The following CTXND2 variants were observed in gnomAD, a reference collection of about 807,000 sequenced individuals.
CTXND2 encodes the protein cortexin domain containing 2.
intron 1 of CTXND2, among the ~76,000 whole-genome samples, chr1:150,890,747 C>T (rs587702023): frequency 6.6e-6 from 1 of 152,256 alleles, no homozygotes; most frequent in East Asian, 1.9e-4. Flanking sequence ...AGGTGATCCA[C>T]CCGCCTCGGC....
At chr1:150,899,946 CACCAATCAGCACTCTGTAAAAACGG>C (rs1668971780) in intron 1 of CTXND2, among the ~76,000 whole-genome samples, 1 of 152,108 alleles carries the variant, frequency 6.6e-6, no homozygotes, top group Non-Finnish European at 1.5e-5. Flanking sequence ...TCTGTAAACG[CACCAATCAGCACTCTGTAAAAACGG>C]ACCAATCAGC....
intron 1 of CTXND2, among the ~76,000 whole-genome samples, chr1:150,890,606 C>T (rs587622930): frequency 6.6e-6 from 1 of 152,094 alleles, no homozygotes; most frequent in Admixed American, 6.6e-5. Flanking sequence ...CGGGTTCAAG[C>T]GATTATCCTG....
intron 1 of CTXND2, among the ~76,000 whole-genome samples, chr1:150,903,091 A>G (rs1669072096): frequency 6.6e-6 from 1 of 152,138 alleles, no homozygotes; most frequent in Admixed American, 6.6e-5. Context: ...TTTGGCCTAA[A>G]TTTATAGCAC....
intron 1 of CTXND2, among the ~76,000 whole-genome samples, chr1:150,909,414 G>A (rs994338203): frequency 1.3e-5 from 2 of 151,688 alleles, no homozygotes; most frequent in African/African-American, 2.4e-5. Context: ...ACAATTAGCC[G>A]GGCATGATGA....
At chr1:150,895,849 G>A (rs184964393) in intron 1 of CTXND2, among the ~76,000 whole-genome samples, 232 of 152,294 alleles carry the variant, frequency 1.5e-3, no homozygotes, top group African/African-American at 5.4e-3. Flanking sequence ...CCATGCCAGA[G>A]GCAGCAGTAT....
At chr1:150,892,814 C>T (rs1010524486) in intron 1 of CTXND2, among the ~76,000 whole-genome samples, 15 of 152,078 alleles carry the variant, frequency 9.9e-5, no homozygotes, top group Admixed American at 3.9e-4. Context: ...GCTAGGACTA[C>T]GGGCATGAGC....
chr1:150,898,754 C>CAA (rs34434799), intron 1 of CTXND2, among the ~76,000 whole-genome samples: 3,205 of 81,118 alleles, frequency 0.04, 67 homozygotes, highest in Middle Eastern at 0.077. Flanking sequence ...GATTCTGACT[C>CAA]AAAAAAAAAA....
At chr1:150,901,671 T>C (rs1669036341) in intron 1 of CTXND2, among the ~76,000 whole-genome samples, 1 of 152,098 alleles carries the variant, frequency 6.6e-6, no homozygotes, top group Non-Finnish European at 1.5e-5. Context: ...CCCCAGCACT[T>C]TGGGAGGCCG....
chr1:150,890,245 GA>G (rs1668829776), intron 1 of CTXND2, among the ~76,000 whole-genome samples: 1 of 150,102 alleles, frequency 6.7e-6, no homozygotes, highest in Non-Finnish European at 1.5e-5. Context: ...TTAAATTACT[GA>G]AACTCTTGTG....
At chr1:150,903,299 A>C (rs587634051) in intron 1 of CTXND2, among the ~76,000 whole-genome samples, 1 of 152,136 alleles carries the variant, frequency 6.6e-6, no homozygotes, top group African/African-American at 2.4e-5. Flanking sequence ...TTTTATTATA[A>C]GTACTTTTGT....
intron 1 of CTXND2, among the ~76,000 whole-genome samples, chr1:150,907,228 G>T (rs1231832501): frequency 1.3e-5 from 2 of 152,278 alleles, no homozygotes; most frequent in East Asian, 3.9e-4. Flanking sequence ...ATGTACAATT[G>T]AATGGTTTTT....
intron 1 of CTXND2, among the ~76,000 whole-genome samples, chr1:150,892,339 A>AATT (rs1668861132): frequency 6.6e-6 from 1 of 152,152 alleles, no homozygotes; most frequent in African/African-American, 2.4e-5. Context: ...TGTGACCAAC[A>AATT]ATACCCACTG....
chr1:150,896,461 C>T (rs587633920), intron 1 of CTXND2, among the ~76,000 whole-genome samples: 1 of 152,334 alleles, frequency 6.6e-6, no homozygotes, highest in African/African-American at 2.4e-5. Flanking sequence ...GAATCCCTCA[C>T]TTAATTCTGC....
intron 1 of CTXND2, among the ~76,000 whole-genome samples, chr1:150,892,213 A>T (rs920563874): frequency 7.9e-5 from 12 of 152,184 alleles, no homozygotes; most frequent in Admixed American, 2.6e-4. Context: ...AGTCATAAAG[A>T]TATGTCATAT....
intron 1 of CTXND2, among the ~76,000 whole-genome samples, chr1:150,892,337 A>G (rs889909052): frequency 3.9e-5 from 6 of 152,112 alleles, no homozygotes; most frequent in African/African-American, 1.4e-4. Context: ...CCTGTGACCA[A>G]CAATACCCAC....
intron 1 of CTXND2, among the ~76,000 whole-genome samples, chr1:150,902,503 G>A (rs1466686356): frequency 6.6e-6 from 1 of 152,092 alleles, no homozygotes; most frequent in African/African-American, 2.4e-5. Flanking sequence ...AGGAGACAGA[G>A]GTTGCAGTAA....
intron 1 of CTXND2, among the ~76,000 whole-genome samples, chr1:150,891,715 A>G (rs1668853689): frequency 6.6e-6 from 1 of 152,156 alleles, no homozygotes; most frequent in East Asian, 1.9e-4. Context: ...TGTTTCTCAA[A>G]CATACTATAT....
intron 1 of CTXND2, among the ~76,000 whole-genome samples, chr1:150,888,479 A>C (rs1224218029): frequency 6.6e-6 from 1 of 151,594 alleles, no homozygotes. Context: ...CGGCCTCCCA[A>C]AGTGTTGGGA....
At chr1:150,907,692 G>A (rs1025093951) in intron 1 of CTXND2, among the ~76,000 whole-genome samples, 10 of 147,102 alleles carry the variant, frequency 6.8e-5, no homozygotes, top group Middle Eastern at 3.6e-3. Context: ...GAATTGCTGC[G>A]TCATATGGTG....
Sources: gnomAD v4.1 joint callset for allele counts (sites outside exome capture counted in the v4.1 genomes callset) on GRCh38, gnomAD v4.1.1 for gene constraint, MANE v1.5 for transcripts, NCBI Gene and HGNC (gene_info 2026-07-23, HGNC 2026-07-21) for gene names.